Variants in MID1 observed in about 807,000 individuals in gnomAD.
MID1 encodes E3 ubiquitin-protein ligase Midline-1.
MID1 carries 7 observed loss-of-function variants against 40.4 expected under a neutral mutation model. The ratio of observed to expected loss-of-function variants is 0.17; its 90% confidence interval spans 0.10 to 0.33. The LOEUF (loss-of-function observed/expected upper bound fraction) is 0.33, where lower values mean the gene tolerates loss of function less well. MID1 is among the 10% of genes least tolerant of loss of function. The pLI is 1.00. For synonymous variants in MID1, 229 were observed against 221.2 expected (o/e 1.04, Z -0.31); for missense variants, 367 against 558.5 (o/e 0.66, Z 3.46).
intron 9 of MID1, among the ~76,000 whole-genome samples, chrX:10,450,179 T>C (rs1201838728): frequency 1.8e-5 from 2 of 112,485 alleles, no homozygotes; most frequent in African/African-American, 6.5e-5. Context: ...GAACTTTAAA[T>C]TTATTTAATT....
intron 1 of MID1, among the ~76,000 whole-genome samples, chrX:10,818,672 T>C (rs759304445): frequency 8.9e-6 from 1 of 112,137 alleles, no homozygotes; most frequent in South Asian, 3.7e-4. Flanking sequence ...AGAGTGACAG[T>C]TCCATGGTTC....
intron 1 of MID1, among the ~76,000 whole-genome samples, chrX:10,739,373 T>C (rs2043507662): frequency 8.9e-6 from 1 of 112,019 alleles, no homozygotes; most frequent in African/African-American, 3.2e-5. Context: ...AGATCCCATC[T>C]AACTTAAACC....
At chrX:10,733,279 T>G (rs1260853099) in intron 1 of MID1, among the ~76,000 whole-genome samples, 1 of 111,802 alleles carries the variant, frequency 8.9e-6, no homozygotes, top group African/African-American at 3.3e-5. Context: ...AACCCTCACC[T>G]CTACCTCACA....
At chrX:10,799,558 G>T (rs1308762938) in intron 1 of MID1, among the ~76,000 whole-genome samples, 1 of 112,098 alleles carries the variant, frequency 8.9e-6, no homozygotes, top group Admixed American at 9.5e-5. Flanking sequence ...ATCATGTAAT[G>T]AATGCTGGGC....
At chrX:10,538,485 T>C (rs1279443481) in intron 2 of MID1, among the ~76,000 whole-genome samples, 2 of 111,191 alleles carry the variant, frequency 1.8e-5, no homozygotes, top group African/African-American at 3.3e-5. Flanking sequence ...CAACGTAATC[T>C]TTCCAGTAAG....
chrX:10,630,016 C>T (rs924228926), intron 1 of MID1, among the ~76,000 whole-genome samples: 1 of 111,903 alleles, frequency 8.9e-6, no homozygotes, highest in Non-Finnish European at 1.9e-5. Flanking sequence ...TATGCCAGAA[C>T]GGTCATAGGT....
intron 7 of MID1, among the ~76,000 whole-genome samples, chrX:10,468,968 T>C (rs1184184631): frequency 8.9e-6 from 1 of 112,656 alleles, no homozygotes; most frequent in African/African-American, 3.2e-5. Flanking sequence ...GACTAAAGCA[T>C]GTAACTTTCA....
In MID1 at chrX:10,548,525, G is replaced by A. The variant is rs1026928221; in HGVS notation, c.660+18363C>T. On this transcript the variant is annotated intron_variant, in intron 2 of 9. Transcript: ENST00000317552. ...GACATGAAGCACTTTTATTGAATGT[G>A]TTATTTAGATAAAAAAGGGAAGAGG... 1.4e-4 allele frequency among the ~76,000 whole-genome samples: 16 copies of A among 112,116 alleles called. No homozygotes were observed. The Admixed American group carries it at 1.5e-3, about 11-fold the overall frequency.
At chrX:10,603,585 G>A (rs1392289340) in intron 1 of MID1, among the ~76,000 whole-genome samples, 1 of 111,564 alleles carries the variant, frequency 9.0e-6, no homozygotes, top group Admixed American at 9.6e-5. Flanking sequence ...AAGCACATCT[G>A]GGCATATTTA....
At chrX:10,764,927 C>A (rs934418959) in intron 1 of MID1, among the ~76,000 whole-genome samples, 4 of 111,831 alleles carry the variant, frequency 3.6e-5, no homozygotes, top group Non-Finnish European at 5.6e-5. Flanking sequence ...TTCTGTAGAA[C>A]CTCTCCTTGG....
chrX:10,791,539 G>C (rs191834307), intron 1 of MID1, among the ~76,000 whole-genome samples: 2 of 112,147 alleles, frequency 1.8e-5, no homozygotes, highest in Admixed American at 1.9e-4. Context: ...TCTCAGCCCA[G>C]ATAAAAGGGG....
chrX:10,610,566 G>A (rs183515805), intron 1 of MID1, among the ~76,000 whole-genome samples: 43 of 111,507 alleles, frequency 3.9e-4, no homozygotes, highest in African/African-American at 1.0e-3. Context: ...AATAATGTAT[G>A]TGAAAGGCCA....
intron 1 of MID1, among the ~76,000 whole-genome samples, chrX:10,698,731 GAA>G (rs777771037): frequency 2.6e-3 from 173 of 67,621 alleles, no homozygotes; most frequent in African/African-American, 6.4e-3. Flanking sequence ...AGAAGAAAAA[GAA>G]AAAAAAAAAA....
At chrX:10,588,995 G>C (rs1213198004) in intron 1 of MID1, among the ~76,000 whole-genome samples, 2 of 111,400 alleles carry the variant, frequency 1.8e-5, no homozygotes, top group African/African-American at 6.6e-5. Flanking sequence ...ATAGTTCCTA[G>C]TAGGGTGGGC....
chrX:10,526,324 GT>G (rs759969658), intron 2 of MID1, among the ~76,000 whole-genome samples: 3,397 of 104,042 alleles, frequency 0.033, 132 homozygotes, highest in African/African-American at 0.11. Flanking sequence ...AAAAGCCAAA[GT>G]TTTTTTTTTT....
chrX:10,684,377 T>TTTTCTTTC (rs760561518), intron 1 of MID1, among the ~76,000 whole-genome samples: 1 of 107,976 alleles, frequency 9.3e-6, no homozygotes. Context: ...CTCTCTTTTC[T>TTTTCTTTC]TTTCTTTCTT....
intron 1 of MID1, among the ~76,000 whole-genome samples, chrX:10,633,709 C>T (rs1004435060): frequency 2.7e-5 from 3 of 111,791 alleles, no homozygotes; most frequent in African/African-American, 9.7e-5. Flanking sequence ...CCGCCTTGGC[C>T]TCCCAAAGTG....
intron 1 of MID1, among the ~76,000 whole-genome samples, chrX:10,645,608 G>A (rs1473934202): frequency 8.9e-6 from 1 of 112,231 alleles, no homozygotes; most frequent in East Asian, 2.8e-4. Context: ...GCTGGGCTTT[G>A]TGCAGATAAA....
Position 10,729,906 on chromosome X carries a change from A to G in MID1, c.-187+103648T>C, listed in dbSNP as rs372879803. On this transcript the variant is annotated intron_variant, in intron 1 of 10. Transcript: ENST00000380785. ...GAAACCATCCTGGTTAACATGGTGA[A>G]ACCCCGTCTCTACTAAAAATACAAA... is the stretch of plus-strand genomic sequence containing the variant. Among the ~76,000 whole-genome samples, 581 of 109,824 alleles carry G rather than the reference A, an allele frequency of 5.3e-3. 4 individuals are homozygous for G. Among genetic ancestry groups the G allele is most frequent in the African/African-American group, 0.018 (547 of 30,300 alleles).
Sources: gnomAD v4.1 joint callset for allele counts (sites outside exome capture counted in the v4.1 genomes callset) on GRCh38, gnomAD v4.1.1 for gene constraint, MANE v1.5 for transcripts, NCBI Gene and HGNC (gene_info 2026-07-23, HGNC 2026-07-21) for gene names.